Variants in EYS observed in about 807,000 individuals in gnomAD.
EYS encodes the protein protein eyes shut homolog.
A neutral mutation model predicts 282.1 loss-of-function variants in EYS; 250 were observed. That is an observed-to-expected ratio of 0.89 (90% CI 0.80 to 0.98). EYS has a LOEUF of 0.98. Among genes scored for constraint, EYS ranks in the 50% least tolerant of loss-of-function variants. The probability of loss-of-function intolerance (pLI) is 0.00; values close to 1 mark genes in which losing one functional copy is unlikely to be tolerated. For synonymous variants in EYS, 1,355 were observed against 1,282.9 expected (o/e 1.06, Z -1.20); for missense variants, 4,016 against 3,709.0 (o/e 1.08, Z -2.15).
intron 36 of EYS, among the ~76,000 whole-genome samples, chr6:63,817,132 T>C (rs1771198177): frequency 6.6e-6 from 1 of 152,214 alleles, no homozygotes; most frequent in Non-Finnish European, 1.5e-5. Context: ...TAATGTGATA[T>C]GGAAGTATCT....
At chr6:64,681,615 C>T (rs115098978) in intron 22 of EYS, among the ~76,000 whole-genome samples, 4 of 152,170 alleles carry the variant, frequency 2.6e-5, no homozygotes, top group African/African-American at 9.6e-5. Flanking sequence ...GATTCACGGC[C>T]GGGCGCGGTG....
At chr6:65,058,621 A>C (rs929650557) in intron 12 of EYS, among the ~76,000 whole-genome samples, 6 of 150,926 alleles carry the variant, frequency 4.0e-5, no homozygotes, top group African/African-American at 1.5e-4. Flanking sequence ...CTATATGGAA[A>C]GAAAACAAAT....
At chr6:64,702,043 T>TC (rs1770811307) in intron 22 of EYS, among the ~76,000 whole-genome samples, 1 of 151,696 alleles carries the variant, frequency 6.6e-6, no homozygotes, top group Non-Finnish European at 1.5e-5. Context: ...GCCTTTTTTT[T>TC]TCTCATTGGT....
At chr6:64,015,670 G>A (rs1014260044) in intron 33 of EYS, among the ~76,000 whole-genome samples, 9 of 152,116 alleles carry the variant, frequency 5.9e-5, no homozygotes, top group Non-Finnish European at 1.3e-4. Flanking sequence ...GTGAGGTGAA[G>A]GTGAATAAAA....
intron 12 of EYS, among the ~76,000 whole-genome samples, chr6:65,106,974 G>C (rs1182735256): frequency 1.3e-5 from 2 of 151,952 alleles, no homozygotes; most frequent in African/African-American, 4.8e-5. Context: ...GAACAACTGT[G>C]GTAACATTTC....
At position 63,720,132 on chromosome 6, in the gene EYS, A is replaced by C. The variant is rs926189493; in HGVS notation, c.*464T>G. ...TTGTAGCTAAGCCATGTAATACAAT[A>C]TGGTTACATTGCTTTGTATAATTTT... On this transcript the variant is annotated 3_prime_UTR_variant, in exon 43 of 43. Coordinates refer to ENST00000503581, the MANE Select transcript of EYS (RefSeq NM_001142800.2). The C allele has an allele frequency of 6.1e-6, 1 of 165,166 alleles. No individual in the cohort carries two copies. The highest frequency in any genetic ancestry group is 1.3e-5 in the Non-Finnish European group (1 of 77,060). The allele number at this position is 165,166 out of a possible 1,614,324, so 10.2% of individuals were successfully genotyped here.
At chr6:65,669,192 C>T (rs1768297780) in intron 1 of EYS, among the ~76,000 whole-genome samples, 2 of 152,026 alleles carry the variant, frequency 1.3e-5, no homozygotes, top group Non-Finnish European at 2.9e-5. Context: ...TAAAGAGATG[C>T]TCTTGAGGTA....
chr6:65,176,361 C>G (rs1159562143), intron 12 of EYS, among the ~76,000 whole-genome samples: 1 of 151,528 alleles, frequency 6.6e-6, no homozygotes, highest in Non-Finnish European at 1.5e-5. Flanking sequence ...CAGGAAGGAG[C>G]TCTGGTCCCT....
intron 12 of EYS, among the ~76,000 whole-genome samples, chr6:65,270,192 C>T (rs1396711448): frequency 6.6e-6 from 1 of 152,070 alleles, no homozygotes; most frequent in African/African-American, 2.4e-5. Context: ...CATTCTCATT[C>T]CAAAAGGGAG....
At chr6:65,534,849 C>T (rs918703844) in intron 2 of EYS, among the ~76,000 whole-genome samples, 2 of 152,116 alleles carry the variant, frequency 1.3e-5, no homozygotes, top group Non-Finnish European at 2.9e-5. Context: ...TTTTACTTCT[C>T]ATTTGGGTGG....
intron 24 of EYS, among the ~76,000 whole-genome samples, chr6:64,594,195 T>C (rs1441805750): frequency 1.3e-5 from 2 of 152,124 alleles, no homozygotes; most frequent in Non-Finnish European, 2.9e-5. Context: ...CAAAAAGTTG[T>C]ATAAATGTCA....
intron 35 of EYS, among the ~76,000 whole-genome samples, chr6:63,870,990 A>C (rs982773999): frequency 2.0e-5 from 3 of 152,156 alleles, no homozygotes; most frequent in Non-Finnish European, 4.4e-5. Flanking sequence ...GCTCAGAGGA[A>C]GTGACTTCAC....
At chr6:64,697,281 A>C (rs1198382826) in intron 22 of EYS, among the ~76,000 whole-genome samples, 1 of 152,196 alleles carries the variant, frequency 6.6e-6, no homozygotes, top group Non-Finnish European at 1.5e-5. Context: ...ACTTAAAATC[A>C]AAAACAGTAA....
chr6:63,804,561 G>A (rs1047292756), intron 37 of EYS, among the ~76,000 whole-genome samples: 2 of 152,194 alleles, frequency 1.3e-5, no homozygotes, highest in South Asian at 4.1e-4. Flanking sequence ...GAAAAAGCAT[G>A]CACCAAACCT....
chr6:64,128,643 G>T (rs1773864611), intron 31 of EYS, among the ~76,000 whole-genome samples: 1 of 152,064 alleles, frequency 6.6e-6, no homozygotes, highest in Non-Finnish European at 1.5e-5. Context: ...TTATTTCAAA[G>T]ATTTCTTATA....
intron 29 of EYS, among the ~76,000 whole-genome samples, chr6:64,374,935 T>G (rs1032146585): frequency 6.6e-6 from 1 of 152,196 alleles, no homozygotes; most frequent in African/African-American, 2.4e-5. Context: ...TTTGGACATT[T>G]CATTCCTAAA....
At chr6:65,413,928 G>A (rs1230377751) in intron 5 of EYS, among the ~76,000 whole-genome samples, 3 of 151,846 alleles carry the variant, frequency 2.0e-5, no homozygotes, top group Non-Finnish European at 2.9e-5. Context: ...TTCAGATAAT[G>A]TTCTAAAATA....
chr6:63,826,106 A>C (rs1352192503), intron 36 of EYS, among the ~76,000 whole-genome samples: 2 of 152,214 alleles, frequency 1.3e-5, no homozygotes, highest in African/African-American at 2.4e-5. Context: ...AATGCTCTGG[A>C]AAGTCTTAAC....
At chr6:64,296,577 TATATATACATATATATATA>T (rs1364625084) in intron 30 of EYS, among the ~76,000 whole-genome samples, 116 of 8,254 alleles carry the variant, frequency 0.014, 6 homozygotes, top group African/African-American at 0.038. Flanking sequence ...TATATATATA[TATATATACATATATATATA>T]TATTTTTTTT....
Sources: allele counts gnomAD v4.1 joint callset (sites outside exome capture counted in the v4.1 genomes callset), GRCh38; gene constraint gnomAD v4.1.1; transcripts MANE v1.5; gene names NCBI Gene and HGNC (gene_info 2026-07-23, HGNC 2026-07-21).